PLCB4: variants seen among roughly 807,000 people sequenced by gnomAD.
The protein encoded by PLCB4 is 1-phosphatidylinositol 4,5-bisphosphate phosphodiesterase beta-4.
In PLCB4, 77 loss-of-function variants were observed where a neutral mutation model predicts 178.8. The observed-to-expected ratio is 0.43, with a 90% CI of 0.36 to 0.52. The LOEUF is 0.52. PLCB4 is among the 20% of genes least tolerant of loss of function. The pLI is 0.00. For synonymous variants in PLCB4, 496 were observed against 490.8 expected, an observed-to-expected ratio of 1.01 and a Z score of -0.14; for missense variants, 1,024 against 1,453.4, an observed-to-expected ratio of 0.70 and a Z score of 4.80.
chr20:9,232,415 C>T (rs1382757333), intron 3 of PLCB4, among the ~76,000 whole-genome samples: 1 of 152,016 alleles, frequency 6.6e-6, no homozygotes, highest in African/African-American at 2.4e-5. Flanking sequence ...CTTTGATCTA[C>T]CTTTAGTTTA....
At chr20:9,351,773 C>CTTGA (rs1256311579) in intron 7 of PLCB4, among the ~76,000 whole-genome samples, 1 of 152,156 alleles carries the variant, frequency 6.6e-6, no homozygotes, top group African/African-American at 2.4e-5. Flanking sequence ...ACAAAGGCTT[C>CTTGA]TTGATTGATT....
intron 2 of PLCB4, among the ~76,000 whole-genome samples, chr20:9,169,718 T>C (rs117226026): frequency 0.021 from 3,218 of 152,238 alleles, 54 homozygotes; most frequent in African/African-American, 0.032. Context: ...AATTCTTCAG[T>C]GATTCCTTCC....
intron 2 of PLCB4, among the ~76,000 whole-genome samples, chr20:9,162,177 T>G (rs1163739078): frequency 6.6e-6 from 1 of 152,230 alleles, no homozygotes; most frequent in African/African-American, 2.4e-5. Context: ...TGTTCTCTGC[T>G]AATTTGTCCC....
intron 10 of PLCB4, 129 bp from the exon 11 acceptor site, chr20:9,372,174 T>A: frequency 1.7e-6 from 1 of 596,594 alleles, no homozygotes; most frequent in Non-Finnish European, 3.0e-6. Context: ...TCCTGGCTTC[T>A]GTCAGCAGGA....
intron 9 of PLCB4, chr20:9,370,951 C>T (rs960992931): frequency 1.1e-5 from 4 of 373,068 alleles, no homozygotes; most frequent in African/African-American, 2.1e-5. Flanking sequence ...CCTCCAGTGC[C>T]GCTTGCCCCT....
intron 25 of PLCB4, among the ~76,000 whole-genome samples, chr20:9,415,047 G>T (rs1244421982): frequency 6.6e-6 from 1 of 152,106 alleles, no homozygotes; most frequent in Admixed American, 6.5e-5. Context: ...TATAAATTAG[G>T]CATAGTAAGA....
chr20:9,477,320 G>A (rs776366300), intron 39 of PLCB4, among the ~76,000 whole-genome samples: 2 of 152,154 alleles, frequency 1.3e-5, no homozygotes, highest in Non-Finnish European at 1.5e-5. Context: ...AGGCAGCTCT[G>A]TTTATAATAT....
intron 9 of PLCB4, among the ~76,000 whole-genome samples, chr20:9,368,485 A>G (rs2035966121): frequency 6.6e-6 from 1 of 151,974 alleles, no homozygotes; most frequent in Non-Finnish European, 1.5e-5. Context: ...AGTTGTGGGC[A>G]GGGGCTGGAA....
intron 2 of PLCB4, among the ~76,000 whole-genome samples, chr20:9,140,174 G>A (rs917315843): frequency 2.0e-5 from 3 of 151,796 alleles, no homozygotes; most frequent in Non-Finnish European, 2.9e-5. Context: ...CCTCTCTCCC[G>A]GTCCCTATCT....
chr20:9,286,195 T>G (rs575154749), intron 3 of PLCB4, among the ~76,000 whole-genome samples: 1 of 151,936 alleles, frequency 6.6e-6, no homozygotes, highest in African/African-American at 2.4e-5. Context: ...GTTTTAGGGG[T>G]TTTTCCATCT....
Position 9,407,010 on chromosome 20 carries a change from A to G in PLCB4, c.1648-907A>G, listed in dbSNP as rs73248723. ...CTGTATGCAAAGTAATGCAGTTTCA[A>G]TATGTCCTATGCAGCAAGTTATTAG... is the stretch of plus-strand genomic sequence containing the variant. On this transcript the variant is annotated intron_variant, in intron 21 of 39. Coordinates refer to ENST00000378473, the MANE Select transcript of PLCB4 (RefSeq NM_001377142.1). Among the ~76,000 whole-genome samples the G allele has an allele frequency of 7.8e-3, 1,185 of 152,350 alleles. 18 individuals are homozygous for G. The highest frequency in any genetic ancestry group is 0.026 in the African/African-American group (1,063 of 41,584).
At chr20:9,144,720 A>G (rs114391614) in intron 2 of PLCB4, among the ~76,000 whole-genome samples, 199 of 5,214 alleles carry the variant, frequency 0.038, 2 homozygotes, top group Middle Eastern at 0.1. Context: ...AAGGGGAAGA[A>G]GGGGAAGGAG....
At chr20:9,101,695 A>C (rs1306879429) in intron 2 of PLCB4, among the ~76,000 whole-genome samples, 1 of 152,126 alleles carries the variant, frequency 6.6e-6, no homozygotes, top group Non-Finnish European at 1.5e-5. Context: ...ATCTTCTTGC[A>C]CTGAGTAGTA....
At chr20:9,123,557 G>A (rs1329859178) in intron 2 of PLCB4, among the ~76,000 whole-genome samples, 1 of 151,580 alleles carries the variant, frequency 6.6e-6, no homozygotes, top group Non-Finnish European at 1.5e-5. Flanking sequence ...TGCTTGCTGG[G>A]ATAAACAATA....
chr20:9,164,391 T>G (rs999543548), intron 2 of PLCB4, among the ~76,000 whole-genome samples: 1 of 151,798 alleles, frequency 6.6e-6, no homozygotes, highest in Non-Finnish European at 1.5e-5. Context: ...ATGAAGAAAC[T>G]GGGGCTCAGG....
intron 4 of PLCB4, among the ~76,000 whole-genome samples, chr20:9,316,059 G>A (rs2094895794): frequency 6.6e-6 from 1 of 152,192 alleles, no homozygotes. Flanking sequence ...GTCGAAAGAA[G>A]AGCACCAAGG....
chr20:9,337,057 C>A, intron 4 of PLCB4, 69 bp from the exon 5 acceptor site: 1 of 945,682 alleles, frequency 1.1e-6, no homozygotes, highest in Non-Finnish European at 1.7e-6. Flanking sequence ...AGAAGCTCAG[C>A]AATATTTTCA....
chr20:9,454,359 A>T (rs1303930263), intron 33 of PLCB4, among the ~76,000 whole-genome samples: 1 of 152,142 alleles, frequency 6.6e-6, no homozygotes, highest in Non-Finnish European at 1.5e-5. Flanking sequence ...TTCCCTTTAT[A>T]AATACTTTGG....
At chr20:9,371,365 A>T (rs2036238620) in intron 10 of PLCB4, 70 bp downstream of exon 10, 1 of 799,290 alleles carries the variant, frequency 1.3e-6, no homozygotes, top group Non-Finnish European at 2.1e-6. Flanking sequence ...GTAATGAGCT[A>T]GATTATTTAT....
Sources: allele counts gnomAD v4.1 joint callset (sites outside exome capture counted in the v4.1 genomes callset), GRCh38; gene constraint gnomAD v4.1.1; transcripts MANE v1.5; gene names NCBI Gene and HGNC (gene_info 2026-07-23, HGNC 2026-07-21).